Variants in ASIC3 observed in about 807,000 individuals in gnomAD.
ASIC3 encodes acid-sensing ion channel 3.
In ASIC3, 46 loss-of-function variants were observed where a neutral mutation model predicts 58.6. The observed-to-expected ratio is 0.79, with a 90% CI of 0.62 to 1.00. The LOEUF is 1.00. ASIC3 is among the 50% of genes least tolerant of loss of function. The pLI, the probability that ASIC3 is intolerant of heterozygous loss-of-function variation, is 0.00. For synonymous variants in ASIC3, 336 were observed against 300.2 expected, an observed-to-expected ratio of 1.12 and a Z score of -1.23; for missense variants, 770 against 735.0, an observed-to-expected ratio of 1.05 and a Z score of -0.55.
At chr7:151,049,706 T>TG (rs1210681353) in intron 1 of ASIC3, among the ~76,000 whole-genome samples, 2 of 152,214 alleles carry the variant, frequency 1.3e-5, no homozygotes, top group African/African-American at 2.4e-5. Context: ...CTCCTGGGGC[T>TG]GGGGGTCCTC....
chr7:151,052,286 C>G lies in ASIC3; in HGVS notation c.1458+49C>G, dbSNP rs768630829. 32 of 1,613,306 alleles carry G rather than the reference C, an allele frequency of 2.0e-5. No individual in the cohort carries two copies. The South Asian group carries it at 2.5e-4, about 13-fold the overall frequency. On this transcript the variant is annotated intron_variant, in intron 9 of 10. Coordinates refer to ENST00000349064, the MANE Select transcript of ASIC3 (RefSeq NM_004769.4). This position sits in a 1 kb window ranked among gnomAD's most constrained non-coding sequence, Gnocchi z 5.0. ...CTTGCCTGCTCCAAGGGTGCTAGGG[C>G]CCACCCCTGAAGCCTAGACCACCAT...
intron 6 of ASIC3, 71 bp downstream of exon 6, chr7:151,051,390 G>A: frequency 1.4e-6 from 2 of 1,407,964 alleles, no homozygotes; most frequent in South Asian, 1.5e-5. Flanking sequence ...GGCAGGCCAG[G>A]CCGTAGCCCT....
rs918472570 is a variant in ASIC3, at chr7:151,049,218, G to T, written c.333G>T (p.Gly111=). 26 of 1,612,382 alleles carry T rather than the reference G, an allele frequency of 1.6e-5. No individual in the cohort carries two copies. The highest frequency in any genetic ancestry group is 2.2e-5 in the Non-Finnish European group (26 of 1,179,294). The change falls in exon 1 of 11, where the codon GGG becomes GGT. Residue 111 remains glycine, a synonymous_variant. Coordinates refer to ENST00000349064, the MANE Select transcript of ASIC3 (RefSeq NM_004769.4). ...RLTPNDLHWA[G]SALLGLDPAE... Reference sequence around the variant, plus strand: ...CGCCCAACGACCTGCACTGGGCTGGGTCTGCGCTGCTGGGCCTGGATCCCG... The same window carrying T: ...CGCCCAACGACCTGCACTGGGCTGGTTCTGCGCTGCTGGGCCTGGATCCCG...
chr7:151,051,904 G>T lies in ASIC3; in HGVS notation c.1306+3G>T. The T allele has an allele frequency of 6.2e-7, 1 of 1,613,862 alleles. No individual in the cohort carries two copies. Among genetic ancestry groups the T allele is most frequent in the South Asian group, 1.1e-5 (1 of 91,076 alleles). ...CTATGAGATGTCAGAGCTGCTTGGT[G>T]TGTGTGCAGGGCCCCCAGGGCTGGG... On this transcript the variant is annotated splice_donor_region_variant and intron_variant, in intron 7 of 10. Transcript: ENST00000349064.
rs1796815344 is a variant in ASIC3 at position 151,052,694 on chromosome 7, G to T, written c.*42G>T. 1 of 1,614,090 alleles carries T rather than the reference G, an allele frequency of 6.2e-7. No individual in the cohort carries two copies. Among genetic ancestry groups the T allele is most frequent in the East Asian group, 2.2e-5 (1 of 44,886 alleles). ...CTCGGAGCCCCGCCCTGACATCCTG[G>T]ACATGCCTAGCCTGCACGTAGCTTT... is the stretch of plus-strand genomic sequence containing the variant. On this transcript the variant is annotated 3_prime_UTR_variant, in exon 11 of 11. Transcript: ENST00000349064. This position sits in a 1 kb window ranked among gnomAD's most constrained non-coding sequence, Gnocchi z 5.0.
In ASIC3 at chr7:151,050,099, G is replaced by A. The variant is rs752414495; in HGVS notation, c.535-7G>A. The stretch of plus-strand genomic sequence containing the variant: ...GAGATGGCCATCACCCTGTCTGCCC[G>A]CCCCAGATCTTCACCCGGATGGGAA... On this transcript the variant is annotated splice_region_variant and splice_polypyrimidine_tract_variant and intron_variant, in intron 1 of 10. Transcript: ENST00000349064. The A allele has an allele frequency of 3.5e-5, 56 of 1,613,780 alleles. No homozygotes were observed. Among genetic ancestry groups the A allele is most frequent in the South Asian group, 1.1e-4 (10 of 91,080 alleles).
In ASIC3 at chr7:151,052,693, G is replaced by C. The variant is rs1484329702; in HGVS notation, c.*41G>C. ...CCTCGGAGCCCCGCCCTGACATCCT[G>C]GACATGCCTAGCCTGCACGTAGCTT... On this transcript the variant is annotated 3_prime_UTR_variant, in exon 11 of 11. Transcript: ENST00000349064. The surrounding 1 kb of genome is among the most constrained non-coding windows in gnomAD (Gnocchi z 5.0). The C allele has an allele frequency of 6.2e-7, 1 of 1,614,046 alleles. No individual in the cohort carries two copies. The highest frequency in any genetic ancestry group is 8.5e-7 in the Non-Finnish European group (1 of 1,179,988).
In ASIC3 at chr7:151,050,846, CCCCCAGCCCCAG is replaced by C. The variant is rs3217353; in HGVS notation, c.912_923del (p.Ser305_Pro308del). 1.2e-6 allele frequency: 2 copies of C among 1,612,922 alleles called. No individual in the cohort carries two copies. The highest frequency in any genetic ancestry group is 1.1e-5 in the South Asian group (1 of 91,054). Reference sequence around the variant, plus strand: ...CCAGAGCCCTCTGATCCCCTAGGCTCCCCCAGCCCCAGCCCCAGCCCTCCCTATACCCTTATG... The same window carrying C: ...CCAGAGCCCTCTGATCCCCTAGGCTCCCCCAGCCCTCCCTATACCCTTATG... On this transcript the variant is annotated inframe_deletion, in exon 4 of 11. Coordinates refer to ENST00000349064, the MANE Select transcript of ASIC3 (RefSeq NM_004769.4).
Position 151,050,147 on chromosome 7 carries a change from C to T in ASIC3, c.576C>T (p.Gly192=), listed in dbSNP as rs548400225. 104 of 1,614,120 alleles carry T rather than the reference C, an allele frequency of 6.4e-5. No individual in the cohort carries two copies. Among genetic ancestry groups the T allele is most frequent in the Middle Eastern group, 1.7e-4 (1 of 6,058 alleles). Residue 192 remains glycine, a synonymous_variant, in exon 2 of 11, where the codon GGC becomes GGT. Transcript: ENST00000349064. ...RMGKCYTFNS[G]ADGAELLTTT... ...GAAAGTGCTACACATTTAACTCTGG[C>T]GCTGATGGGGCAGAGCTGCTCACCA...
At chr7:151,049,492 C>G (rs1796715426) in intron 1 of ASIC3, 73 bp downstream of exon 1, 2 of 1,496,368 alleles carry the variant, frequency 1.3e-6, no homozygotes, top group South Asian at 2.6e-5. Flanking sequence ...ACCCACAATT[C>G]CCTAGCCAGC....
At position 151,050,160 on chromosome 7, in the gene ASIC3, G is replaced by C; in HGVS notation, c.589G>C (p.Glu197Gln). 1 of 1,614,210 alleles carries C rather than the reference G, an allele frequency of 6.2e-7. No individual in the cohort carries two copies. Among genetic ancestry groups the C allele is most frequent in the Admixed American group, 1.7e-5 (1 of 60,032 alleles). The change falls in exon 2 of 11, where the codon GAG (glutamate) becomes CAG (glutamine). Residue 197 changes from glutamate to glutamine, a missense_variant. By Grantham distance (29) the Glu-to-Gln change is conservative. Transcript: ENST00000349064. The part of the protein sequence containing the change: ...YTFNSGADGA[E>Q]LLTTTRGGMG... ...ATTTAACTCTGGCGCTGATGGGGCA[G>C]AGCTGCTCACCACTACTAGGGGTGG...
chr7:151,048,991 G>C lies in ASIC3; in HGVS notation c.106G>C (p.Gly36Arg), dbSNP rs774850055. 8.1e-6 allele frequency: 13 copies of C among 1,609,880 alleles called. No individual in the cohort carries two copies. Among genetic ancestry groups the C allele is most frequent in the Admixed American group, 1.7e-5 (1 of 59,890 alleles). ...CGGGCTGGGCCACGTCTTCGGGCCAGGCAGCCTGAGCCTGCGCCGGGGGAT... is the reference window on the plus strand; with the variant it reads ...CGGGCTGGGCCACGTCTTCGGGCCACGCAGCCTGAGCCTGCGCCGGGGGAT... ...MHGLGHVFGP[G>R]SLSLRRGMWA... Residue 36 changes from glycine (G) to arginine (R), a missense_variant, in exon 1 of 11, where the codon GGC becomes CGC. Physicochemically the swap from Gly to Arg is moderately radical, Grantham distance 125. Transcript: ENST00000349064.
In ASIC3 at chr7:151,051,192, T is replaced by A; in HGVS notation, c.1087T>A (p.Ser363Thr). The A allele has an allele frequency of 6.3e-7, 1 of 1,591,198 alleles. No homozygotes were observed. Among genetic ancestry groups the A allele is most frequent in the Non-Finnish European group, 8.5e-7 (1 of 1,174,474 alleles). ...CGCAGATGCCATGCTTCGCAAGGAC[T>A]CGTGCGCCTGCCCCAACCCGTGCGC... ...PAIDAMLRKD[S>T]CACPNPCAST... Residue 363 changes from serine (S) to threonine (T), a missense_variant, in exon 6 of 11, where the codon TCG becomes ACG. Ser to Thr is a moderately conservative substitution (Grantham distance 58). Transcript: ENST00000349064.
At chr7:151,051,419 G>A (rs1481572643) in intron 6 of ASIC3, 100 bp downstream of exon 6, 30 of 1,360,898 alleles carry the variant, frequency 2.2e-5, no homozygotes, top group Non-Finnish European at 2.9e-5. Context: ...CAGCCCGGGC[G>A]GAGGCAGCCT....
rs756493982 is a variant in ASIC3, at chr7:151,051,263, C to G, written c.1158C>G (p.Ser386Arg). Residue 386 changes from serine to arginine, a missense_variant, in exon 6 of 11, where the codon AGC (serine) becomes AGG (arginine). Coordinates refer to ENST00000349064, the MANE Select transcript of ASIC3 (RefSeq NM_004769.4). ...AKELSMVRIP[S>R]RAAARFLARK... ...AGCTCTCCATGGTGCGGATCCCGAG[C>G]CGCGCCGCCGCGCGCTTCCTGGCCC... 3 of 1,531,960 alleles carry G rather than the reference C, an allele frequency of 2.0e-6. No individual in the cohort carries two copies. The highest frequency in any genetic ancestry group is 2.6e-6 in the Non-Finnish European group (3 of 1,147,492). The allele number at this position is 1,531,960 out of a possible 1,614,324, so 94.9% of individuals were successfully genotyped here. A position where few individuals can be genotyped will look rare whatever the true frequency, so the allele number is the denominator to read the frequency against.
At chr7:151,050,649 A>G (rs1269499021) in intron 3 of ASIC3, 41 bp downstream of exon 3, 1 of 1,612,628 alleles carries the variant, frequency 6.2e-7, no homozygotes, top group Non-Finnish European at 8.5e-7. Flanking sequence ...CTTCAAGCCC[A>G]CACCACCTCA....
In ASIC3 at chr7:151,050,512, G is replaced by A. The variant is rs201153989; in HGVS notation, c.717G>A (p.Val239=). 9.3e-6 allele frequency: 15 copies of A among 1,614,006 alleles called. No individual in the cohort carries two copies. The East Asian group carries it at 3.1e-4, about 34-fold the overall frequency. Residue 239 remains valine, a synonymous_variant, in exon 3 of 11, where the codon GTG becomes GTA. Coordinates refer to ENST00000349064, the MANE Select transcript of ASIC3 (RefSeq NM_004769.4). ...CCCCGTTTGAGGTGGGGATCCGAGT[G>A]CAGATCCACAGCCAGGAGGAGCCGC... The part of the protein sequence containing the change: ...EETPFEVGIR[V]QIHSQEEPPI...
In ASIC3 at chr7:151,048,624, GAGTCCCCAGCCC is replaced by G; in HGVS notation, c.-258_-247del. On this transcript the variant is annotated 5_prime_UTR_variant, in exon 1 of 11. Transcript: ENST00000349064. ...GCTACGTCCCACCTGGTCTGCTGCG[GAGTCCCCAGCCC>G]AGTGCCTAGCCCAGTGGAGCCACCG... The G allele has an allele frequency of 4.3e-6, 2 of 469,666 alleles. No individual in the cohort carries two copies. The highest frequency in any genetic ancestry group is 7.5e-6 in the Non-Finnish European group (2 of 267,238). The allele number at this position is 469,666 out of a possible 1,614,324, so 29.1% of individuals were successfully genotyped here.
rs1474256147 is a variant in ASIC3 at position 151,050,844 on chromosome 7, C to T, written c.900C>T (p.Gly300=). 7 of 1,613,258 alleles carry T rather than the reference C, an allele frequency of 4.3e-6. No homozygotes were observed. Among genetic ancestry groups the T allele is most frequent in the African/African-American group, 1.3e-5 (1 of 75,048 alleles). The stretch of plus-strand genomic sequence containing the variant: ...AGCCAGAGCCCTCTGATCCCCTAGG[C>T]TCCCCCAGCCCCAGCCCCAGCCCTC... The part of the protein sequence containing the change: ...NYEPEPSDPL[G]SPSPSPSPPY... The change falls in exon 4 of 11, where the codon GGC becomes GGT. Residue 300 remains glycine, a synonymous_variant. Transcript: ENST00000349064.
Sources: allele counts gnomAD v4.1 joint callset (sites outside exome capture counted in the v4.1 genomes callset), GRCh38; gene constraint gnomAD v4.1.1; non-coding constraint Gnocchi (gnomAD v3.1); transcripts MANE v1.5; gene names NCBI Gene and HGNC (gene_info 2026-07-23, HGNC 2026-07-21).